RGS7: variants seen among roughly 807,000 people sequenced by gnomAD.
RGS7 encodes the protein regulator of G protein signaling 7, also known as regulator of G-protein signaling 7.
In RGS7, 27 loss-of-function variants were observed where a neutral mutation model predicts 81.1. The ratio of observed to expected loss-of-function variants is 0.33; its 90% CI spans 0.25 to 0.46. The LOEUF is 0.46. Among genes scored for constraint, RGS7 ranks in the 20% least tolerant of loss-of-function variants. RGS7 has a pLI of 1.00. For missense variants in RGS7, 396 were observed against 607.4 expected, an observed-to-expected ratio of 0.65 and a Z score of 3.66; for synonymous variants, 208 against 207.7, an observed-to-expected ratio of 1.00 and a Z score of -0.01.
At chr1:240,883,524 C>G (rs938999583) in intron 6 of RGS7, among the ~76,000 whole-genome samples, 4 of 152,108 alleles carry the variant, frequency 2.6e-5, no homozygotes, top group African/African-American at 9.7e-5. Context: ...TTTGCTGATT[C>G]CCTGCCTGGA....
intron 2 of RGS7, among the ~76,000 whole-genome samples, chr1:241,194,305 T>C (rs1470507798): frequency 6.6e-6 from 1 of 152,216 alleles, no homozygotes; most frequent in Admixed American, 6.5e-5. Context: ...TACAGCTTGC[T>C]ACCTCTGGGC....
At chr1:241,082,505 T>C (rs1470775296) in intron 3 of RGS7, among the ~76,000 whole-genome samples, 1 of 152,238 alleles carries the variant, frequency 6.6e-6, no homozygotes, top group Non-Finnish European at 1.5e-5. Flanking sequence ...TCGTATCAGA[T>C]GGATCCAACC....
intron 6 of RGS7, among the ~76,000 whole-genome samples, chr1:240,873,607 G>A (rs530565305): frequency 1.3e-5 from 2 of 152,256 alleles, no homozygotes; most frequent in African/African-American, 4.8e-5. Context: ...GAAAGTGAGT[G>A]CTGACGTCAG....
chr1:240,824,425 C>T (rs1467469827), intron 10 of RGS7, among the ~76,000 whole-genome samples: 1 of 152,190 alleles, frequency 6.6e-6, no homozygotes, highest in Non-Finnish European at 1.5e-5. Context: ...GGAGGCCGAC[C>T]ACACAGCCAG....
At chr1:241,210,786 TGCAG>T (rs1288588443) in intron 2 of RGS7, among the ~76,000 whole-genome samples, 1 of 152,192 alleles carries the variant, frequency 6.6e-6, no homozygotes. Context: ...ACTGAGGATG[TGCAG>T]GCAGTGGCTG....
intron 6 of RGS7, among the ~76,000 whole-genome samples, chr1:240,909,938 C>T (rs1382913764): frequency 2.0e-5 from 3 of 152,126 alleles, no homozygotes; most frequent in South Asian, 2.1e-4. Context: ...GGGTTTAGTT[C>T]GGTCACTTCC....
chr1:241,162,222 G>GCACCCCCCCCCGCCC (rs68166816), intron 2 of RGS7, among the ~76,000 whole-genome samples: 2 of 142,028 alleles, frequency 1.4e-5, no homozygotes, highest in Admixed American at 7.0e-5. Flanking sequence ...CTGGTGATCA[G>GCACCCCCCCCCGCCC]CTTCCAAATA....
At position 241,204,510 on chromosome 1, in the gene RGS7, T is replaced by A. The variant is rs540699846; in HGVS notation, c.79-105748A>T. Among the ~76,000 whole-genome samples, 3 of 152,326 alleles carry A rather than the reference T, an allele frequency of 2.0e-5. No individual in the cohort carries two copies. In the South Asian group the frequency reaches 6.2e-4, roughly 32 times the overall value. On this transcript the variant is annotated intron_variant, in intron 2 of 18. Coordinates refer to ENST00000440928, the MANE Select transcript of RGS7 (RefSeq NM_001364886.1). ...TAGCAAAAATCAAAATTAAGGTAAC[T>A]CTAGCATTCTTTTTCCTTTCTCTCT...
intron 2 of RGS7, among the ~76,000 whole-genome samples, chr1:241,099,748 A>T (rs935553404): frequency 1.3e-5 from 2 of 152,330 alleles, no homozygotes; most frequent in Admixed American, 6.5e-5. Context: ...TCATTCCACA[A>T]CCACTTATCA....
At chr1:241,040,601 A>G (rs1268988890) in intron 3 of RGS7, among the ~76,000 whole-genome samples, 1 of 152,002 alleles carries the variant, frequency 6.6e-6, no homozygotes, top group East Asian at 1.9e-4. Flanking sequence ...TCCCAGGTTC[A>G]AGTGATTCTC....
intron 2 of RGS7, among the ~76,000 whole-genome samples, chr1:241,249,293 G>A (rs1320147442): frequency 6.6e-6 from 1 of 150,618 alleles, no homozygotes; most frequent in East Asian, 2.0e-4. Context: ...TGTGGTTTAT[G>A]GTAAAGGTCA....
At position 240,877,309 on chromosome 1, in the gene RGS7, T is replaced by C. The variant is rs188982581; in HGVS notation, c.386-7190A>G. ...TATATTTATATATGTAAAGTATTTATATAAATATATAAAGTAAAATATATA... is the reference window on the plus strand; with the variant it reads ...TATATTTATATATGTAAAGTATTTACATAAATATATAAAGTAAAATATATA... On this transcript the variant is annotated intron_variant, in intron 6 of 18. Transcript: ENST00000440928. 7.3e-3 allele frequency among the ~76,000 whole-genome samples: 1,085 copies of C among 149,302 alleles called. 5 individuals are homozygous for C. The highest frequency in any genetic ancestry group is 0.011 in the Non-Finnish European group (744 of 67,434).
At chr1:241,267,976 G>C (rs193239507) in intron 2 of RGS7, among the ~76,000 whole-genome samples, 26 of 152,184 alleles carry the variant, frequency 1.7e-4, no homozygotes, top group Non-Finnish European at 3.5e-4. Flanking sequence ...TCTGATTCTA[G>C]AATGTTTCTA....
intron 2 of RGS7, among the ~76,000 whole-genome samples, chr1:241,267,193 G>C (rs908743466): frequency 8.5e-5 from 13 of 152,122 alleles, no homozygotes; most frequent in African/African-American, 3.1e-4. Context: ...CTCAAAAAAG[G>C]ATGCATACAA....
In RGS7 at chr1:241,192,159, G is replaced by GGTATGTGT. The variant is rs1432006795; in HGVS notation, c.79-93398_79-93397insACACATAC. Reference sequence around the variant, plus strand: ...CCTGATCATTTGGCTAGAGAAAACAGGTGTGTGTGTGTGTGTGTGTGTGTG... The same window carrying GGTATGTGT: ...CCTGATCATTTGGCTAGAGAAAACAGGTATGTGTGTGTGTGTGTGTGTGTGTGTGTGTG... On this transcript the variant is annotated intron_variant, in intron 2 of 18. Coordinates refer to ENST00000440928, the MANE Select transcript of RGS7 (RefSeq NM_001364886.1). 9.6e-4 allele frequency among the ~76,000 whole-genome samples: 117 copies of GGTATGTGT among 122,010 alleles called. 1 individual carries two copies. The highest frequency in any genetic ancestry group is 5.0e-3 in the East Asian group (23 of 4,590). The allele number at this position is 122,010 out of a possible 152,430, so 80.0% of individuals were successfully genotyped here. A position where few individuals can be genotyped will look rare whatever the true frequency, so the allele number is the denominator to read the frequency against.
In RGS7 at chr1:241,044,600, A is replaced by T. The variant is rs544331909; in HGVS notation, c.175+54066T>A. ...CCATGCTCAGCTAATTTTAAAATTT[A>T]TTTATTTTTTTTGTAGAGATAGAGT... On this transcript the variant is annotated intron_variant, in intron 3 of 18. Transcript: ENST00000440928. Among the ~76,000 whole-genome samples, 1,429 of 149,942 alleles carry T rather than the reference A, an allele frequency of 9.5e-3. 25 individuals carry two copies. Among genetic ancestry groups the T allele is most frequent in the African/African-American group, 0.034 (1,383 of 40,184 alleles).
At chr1:240,856,447 T>A (rs1301270773) in intron 9 of RGS7, among the ~76,000 whole-genome samples, 1 of 152,190 alleles carries the variant, frequency 6.6e-6, no homozygotes, top group African/African-American at 2.4e-5. Context: ...TTGAAAGACA[T>A]ACTAAATGAA....
At chr1:240,791,007 C>T (rs1008553667) in intron 18 of RGS7, among the ~76,000 whole-genome samples, 2 of 152,160 alleles carry the variant, frequency 1.3e-5, no homozygotes, top group East Asian at 1.9e-4. Flanking sequence ...TTTGTAGTAA[C>T]TGAGCCCATG....
At chr1:240,823,141 G>T in intron 10 of RGS7, 1 of 1,164,248 alleles carries the variant, frequency 8.6e-7, no homozygotes, top group Non-Finnish European at 1.3e-6. Context: ...GCCAACAATG[G>T]CCACATTGGG....
Sources: gnomAD v4.1 joint callset for allele counts (sites outside exome capture counted in the v4.1 genomes callset) on GRCh38, gnomAD v4.1.1 for gene constraint, MANE v1.5 for transcripts, NCBI Gene and HGNC (gene_info 2026-07-23, HGNC 2026-07-21) for gene names.